The following ARHGAP18 variants were observed in gnomAD, a reference collection of about 807,000 sequenced individuals.
ARHGAP18 encodes the protein Rho GTPase activating protein 18, also known as rho GTPase-activating protein 18.
In ARHGAP18, 67 loss-of-function variants were observed where a neutral mutation model predicts 86.2. The ratio of observed to expected loss-of-function variants is 0.78; its 90% CI spans 0.64 to 0.95. The LOEUF is 0.95. Among genes scored for constraint, ARHGAP18 ranks in the 40% least tolerant of loss-of-function variants. ARHGAP18 has a pLI of 0.00. For synonymous variants in ARHGAP18, 283 were observed against 280.4 expected, an observed-to-expected ratio of 1.01 and a Z score of -0.09; for missense variants, 691 against 780.4, an observed-to-expected ratio of 0.89 and a Z score of 1.37.
intron 9 of ARHGAP18, 25 bp downstream of exon 9, chr6:129,607,868 T>G: frequency 6.4e-7 from 1 of 1,557,110 alleles, no homozygotes; most frequent in South Asian, 1.2e-5. Flanking sequence ...GCAGAAGGAC[T>G]GCTTCAAAGA....
chr6:129,643,103 C>A (rs1296163375), intron 1 of ARHGAP18, among the ~76,000 whole-genome samples: 1 of 151,718 alleles, frequency 6.6e-6, no homozygotes, highest in East Asian at 1.9e-4. Context: ...TAATAAAAAC[C>A]TATATATAAT....
At chr6:129,584,444 T>C (rs930094436) in intron 12 of ARHGAP18, among the ~76,000 whole-genome samples, 1 of 152,214 alleles carries the variant, frequency 6.6e-6, no homozygotes, top group Non-Finnish European at 1.5e-5. Context: ...TTTATGAAAT[T>C]GAATCAGAAA....
chr6:129,630,233 G>T (rs1401572126), intron 4 of ARHGAP18, among the ~76,000 whole-genome samples: 5 of 152,092 alleles, frequency 3.3e-5, no homozygotes, highest in Non-Finnish European at 7.4e-5. Flanking sequence ...CTTTGTTTTG[G>T]CTTTTTTGGC....
chr6:129,624,594 G>C (rs1017457694), intron 5 of ARHGAP18, among the ~76,000 whole-genome samples: 3 of 151,494 alleles, frequency 2.0e-5, no homozygotes, highest in Non-Finnish European at 4.4e-5. Context: ...CATCATTTTA[G>C]GCCACACTTG....
At chr6:129,649,291 C>G (rs1016786173) in intron 1 of ARHGAP18, among the ~76,000 whole-genome samples, 1 of 152,166 alleles carries the variant, frequency 6.6e-6, no homozygotes, top group Admixed American at 6.5e-5. Context: ...TGCGGTGACT[C>G]ACGCCTGTAA....
chr6:129,595,436 A>G (rs2114442258), intron 12 of ARHGAP18, among the ~76,000 whole-genome samples: 1 of 152,282 alleles, frequency 6.6e-6, no homozygotes, highest in East Asian at 1.9e-4. Context: ...AAATATTTGC[A>G]TGTTCATGCT....
At chr6:129,643,769 G>A (rs1488036303) in intron 1 of ARHGAP18, among the ~76,000 whole-genome samples, 1 of 151,802 alleles carries the variant, frequency 6.6e-6, no homozygotes, top group East Asian at 1.9e-4. Context: ...ATAATAGTGT[G>A]TGAACATTCA....
At chr6:129,581,794 A>G (rs1788295311) in intron 13 of ARHGAP18, among the ~76,000 whole-genome samples, 1 of 152,212 alleles carries the variant, frequency 6.6e-6, no homozygotes, top group South Asian at 2.1e-4. Context: ...TACCTGCCCC[A>G]GCACAGGTGG....
At chr6:129,596,585 T>A (rs1004862080) in intron 12 of ARHGAP18, among the ~76,000 whole-genome samples, 9 of 152,214 alleles carry the variant, frequency 5.9e-5, no homozygotes, top group African/African-American at 1.4e-4. Context: ...GATCTTTGTA[T>A]GTTTTGTCCA....
chr6:129,661,992 A>G (rs1382835584), intron 1 of ARHGAP18: 6 of 901,228 alleles, frequency 6.7e-6, no homozygotes, highest in Middle Eastern at 5.7e-4. Context: ...ACACACACAC[A>G]GAACACAAAG....
chr6:129,678,085 A>G (rs1774267442), intron 1 of ARHGAP18, among the ~76,000 whole-genome samples: 1 of 152,218 alleles, frequency 6.6e-6, no homozygotes, highest in Non-Finnish European at 1.5e-5. Context: ...TTGTCAGATA[A>G]CAGAGAGATG....
chr6:129,678,665 G>A (rs746550060), intron 1 of ARHGAP18, among the ~76,000 whole-genome samples: 17 of 152,078 alleles, frequency 1.1e-4, no homozygotes, highest in Non-Finnish European at 2.4e-4. Context: ...CAAAAAATAC[G>A]TATGCCTGTG....
chr6:129,642,304 C>T (rs1183871830), intron 1 of ARHGAP18, among the ~76,000 whole-genome samples: 3 of 152,182 alleles, frequency 2.0e-5, no homozygotes, highest in Admixed American at 6.5e-5. Flanking sequence ...TATTTTTTAG[C>T]GACAAGGTCT....
In ARHGAP18 at chr6:129,630,505, G is replaced by T. The variant is rs187557311; in HGVS notation, c.617-983C>A. Among the ~76,000 whole-genome samples, 606 of 152,074 alleles carry T rather than the reference G, an allele frequency of 4.0e-3. 5 individuals carry two copies. Among genetic ancestry groups the T allele is most frequent in the African/African-American group, 0.014 (562 of 41,482 alleles). On this transcript the variant is annotated intron_variant, in intron 4 of 14. Coordinates refer to ENST00000368149, the MANE Select transcript of ARHGAP18 (RefSeq NM_033515.3). ...ACATGCTTATAACAGGCTCACATACGAACACAACAAAGTGATGGAAGCTAA... is the reference window on the plus strand; with the variant it reads ...ACATGCTTATAACAGGCTCACATACTAACACAACAAAGTGATGGAAGCTAA...
At chr6:129,645,709 G>A (rs1298587094) in intron 1 of ARHGAP18, among the ~76,000 whole-genome samples, 1 of 152,094 alleles carries the variant, frequency 6.6e-6, no homozygotes, top group Non-Finnish European at 1.5e-5. Context: ...TCGCTTCCTA[G>A]CTTGCTGTAC....
Position 129,577,641 on chromosome 6 carries a change from T to A in ARHGAP18, c.*872A>T, listed in dbSNP as rs186964684. 9 of 152,338 alleles carry A rather than the reference T, an allele frequency of 5.9e-5. No individual in the cohort carries two copies. Among genetic ancestry groups the A allele is most frequent in the Admixed American group, 2.0e-4 (3 of 15,294 alleles). The allele number at this position is 152,338 out of a possible 1,614,324, so 9.4% of individuals were successfully genotyped here. A position where few individuals can be genotyped will look rare whatever the true frequency, so the allele number is the denominator to read the frequency against. On this transcript the variant is annotated 3_prime_UTR_variant, in exon 15 of 15. Coordinates refer to ENST00000368149, the MANE Select transcript of ARHGAP18 (RefSeq NM_033515.3). ...ACATTCTTCAACCATTACTGGATTA[T>A]ACTATCATGCATATTTATAATGCTA...
intron 5 of ARHGAP18, among the ~76,000 whole-genome samples, chr6:129,628,446 A>G (rs1433588361): frequency 6.6e-6 from 1 of 152,230 alleles, no homozygotes; most frequent in Non-Finnish European, 1.5e-5. Flanking sequence ...TTATTGACAT[A>G]TAAGATATTT....
intron 12 of ARHGAP18, among the ~76,000 whole-genome samples, chr6:129,593,516 T>A (rs1453979081): frequency 1.3e-5 from 2 of 152,168 alleles, no homozygotes; most frequent in African/African-American, 4.8e-5. Context: ...TATTGTGAAC[T>A]TCTGGTTAAA....
chr6:129,668,407 C>G (rs1434353942), intron 1 of ARHGAP18, among the ~76,000 whole-genome samples: 1 of 146,312 alleles, frequency 6.8e-6, no homozygotes, highest in African/African-American at 2.5e-5. Flanking sequence ...CACAGACACA[C>G]ACACCATTAA....
Sources: gnomAD v4.1 joint callset for allele counts (sites outside exome capture counted in the v4.1 genomes callset) on GRCh38, gnomAD v4.1.1 for gene constraint, MANE v1.5 for transcripts, NCBI Gene and HGNC (gene_info 2026-07-23, HGNC 2026-07-21) for gene names.